ZFHX3: variants seen among roughly 807,000 people sequenced by gnomAD.
The protein encoded by ZFHX3 is zinc finger homeobox 3, also known as zinc finger homeobox protein 3.
Under a neutral mutation model 279.1 loss-of-function variants are expected in ZFHX3, and 42 were observed. That is an observed-to-expected ratio of 0.15 (90% CI 0.12 to 0.19). The LOEUF (loss-of-function observed/expected upper bound fraction) is 0.19, where lower values mean the gene tolerates loss of function less well. Ranked by LOEUF, ZFHX3 falls within the 10% of genes least tolerant of loss-of-function variation. The pLI, the probability that ZFHX3 is intolerant of heterozygous loss-of-function variation, is 1.00. For missense variants in ZFHX3, 4,981 were observed against 4,754.0 expected, an observed-to-expected ratio of 1.05 and a Z score of -1.40; for synonymous variants, 2,293 against 1,957.8, an observed-to-expected ratio of 1.17 and a Z score of -4.52.
At chr16:73,218,561 G>C (rs2012295142) in intron 5 of ZFHX3, among the ~76,000 whole-genome samples, 1 of 152,200 alleles carries the variant, frequency 6.6e-6, no homozygotes, top group Non-Finnish European at 1.5e-5. Flanking sequence ...TTGAGGTCAA[G>C]AGTTCGAGAC....
At chr16:73,665,794 C>A in intron 2 of ZFHX3, among the ~76,000 whole-genome samples, 1 of 143,316 alleles carries the variant, frequency 7.0e-6, no homozygotes, top group Non-Finnish European at 1.5e-5. Context: ...AGTTTTGTGA[C>A]TTTTCTTCAA....
At chr16:73,176,610 T>C (rs62052440) in intron 5 of ZFHX3, among the ~76,000 whole-genome samples, 5 of 73,158 alleles carry the variant, frequency 6.8e-5, no homozygotes, top group African/African-American at 1.6e-4. Flanking sequence ...CTTCTTCTCC[T>C]TTTTTTTTTT....
intron 1 of ZFHX3, among the ~76,000 whole-genome samples, chr16:73,693,658 A>G (rs540614916): frequency 6.6e-6 from 1 of 152,270 alleles, no homozygotes; most frequent in South Asian, 2.1e-4. Context: ...ATAAGCACAA[A>G]CTCGGGTTCT....
Position 72,925,022 on chromosome 16 carries a change from T to G in ZFHX3, c.3216+25447A>C, listed in dbSNP as rs573295733. Among the ~76,000 whole-genome samples the G allele has an allele frequency of 3.9e-5, 6 of 152,282 alleles. No individual in the cohort carries two copies. In the South Asian group the frequency reaches 1.2e-3, roughly 32 times the overall value. On this transcript the variant is annotated intron_variant, in intron 3 of 9. Transcript: ENST00000268489. ...CTGTCCAGGCAGTCACGGGGGTGGT[T>G]TGGGAAGGCCTTACAACGGGGACAC...
chr16:73,720,985 G>T (rs1028599843), intron 1 of ZFHX3, among the ~76,000 whole-genome samples: 4 of 152,218 alleles, frequency 2.6e-5, no homozygotes, highest in Admixed American at 2.0e-4. Context: ...GCCACGTGTG[G>T]CTGACAGAAG....
At chr16:73,213,307 T>C (rs2144912094) in intron 5 of ZFHX3, among the ~76,000 whole-genome samples, 1 of 152,328 alleles carries the variant, frequency 6.6e-6, no homozygotes, top group Admixed American at 6.5e-5. Flanking sequence ...GCTTTGTGTT[T>C]ATTTCAGATT....
intron 3 of ZFHX3, among the ~76,000 whole-genome samples, chr16:73,388,633 C>A (rs1309065638): frequency 6.6e-6 from 1 of 152,192 alleles, no homozygotes; most frequent in East Asian, 1.9e-4. Flanking sequence ...CCAACCTCCC[C>A]CTGCTAGCTC....
At chr16:72,994,495 T>C (rs1963208248) in intron 1 of ZFHX3, among the ~76,000 whole-genome samples, 1 of 152,154 alleles carries the variant, frequency 6.6e-6, no homozygotes, top group East Asian at 1.9e-4. Flanking sequence ...TTAGAGTGCA[T>C]TAACAGAACC....
At chr16:72,921,532 A>T (rs982672925) in intron 3 of ZFHX3, among the ~76,000 whole-genome samples, 1 of 152,208 alleles carries the variant, frequency 6.6e-6, no homozygotes, top group Non-Finnish European at 1.5e-5. Context: ...ATCAGAGGGA[A>T]TCTCACTTTC....
At chr16:73,447,133 A>G (rs1251967543) in intron 3 of ZFHX3, among the ~76,000 whole-genome samples, 2 of 151,320 alleles carry the variant, frequency 1.3e-5, no homozygotes, top group East Asian at 2.0e-4. Context: ...GTCAGCCGAG[A>G]TCACGCCACT....
At chr16:73,124,557 T>C (rs1270830731) in intron 7 of ZFHX3, among the ~76,000 whole-genome samples, 1 of 152,216 alleles carries the variant, frequency 6.6e-6, no homozygotes, top group African/African-American at 2.4e-5. Context: ...GATATAATCC[T>C]GGACACGTTT....
intron 2 of ZFHX3, among the ~76,000 whole-genome samples, chr16:73,538,279 G>C (rs938237157): frequency 2.0e-5 from 3 of 151,932 alleles, no homozygotes; most frequent in Non-Finnish European, 4.4e-5. Flanking sequence ...GCCCTCTTCT[G>C]TTTCCTCTGC....
At chr16:73,839,814 C>A (rs1453122022) in intron 1 of ZFHX3, among the ~76,000 whole-genome samples, 1 of 152,228 alleles carries the variant, frequency 6.6e-6, no homozygotes, top group Non-Finnish European at 1.5e-5. Flanking sequence ...GTTCACGACT[C>A]CACCCATCCC....
intron 2 of ZFHX3, among the ~76,000 whole-genome samples, chr16:73,640,829 G>C (rs998288824): frequency 4.6e-5 from 7 of 152,090 alleles, no homozygotes; most frequent in Admixed American, 2.0e-4. Context: ...AAAAACTTCA[G>C]ATTAAAAGTT....
chr16:73,571,559 C>T (rs949388644), intron 2 of ZFHX3, among the ~76,000 whole-genome samples: 1 of 152,144 alleles, frequency 6.6e-6, no homozygotes, highest in African/African-American at 2.4e-5. Flanking sequence ...TTATTAAAGA[C>T]AGTTCATGTT....
intron 4 of ZFHX3, among the ~76,000 whole-genome samples, chr16:73,260,703 T>G (rs1484956589): frequency 1.4e-5 from 2 of 146,674 alleles, no homozygotes; most frequent in Non-Finnish European, 3.0e-5. Flanking sequence ...TTTTTTTTTT[T>G]TTTTGAGATG....
chr16:73,509,263 C>T (rs973584799), intron 2 of ZFHX3, among the ~76,000 whole-genome samples: 1 of 152,100 alleles, frequency 6.6e-6, no homozygotes, highest in African/African-American at 2.4e-5. Context: ...AACCCAGATC[C>T]CTCTGTTTTG....
intron 4 of ZFHX3, among the ~76,000 whole-genome samples, chr16:73,292,862 G>C (rs72797380): frequency 0.077 from 11,747 of 152,144 alleles, 565 homozygotes; most frequent in South Asian, 0.21. Context: ...GGTATTCCTC[G>C]GGCTGGAAGC....
At chr16:72,995,650 G>T (rs994253562) in intron 1 of ZFHX3, among the ~76,000 whole-genome samples, 1 of 152,138 alleles carries the variant, frequency 6.6e-6, no homozygotes, top group African/African-American at 2.4e-5. Context: ...CATGGATGTG[G>T]CATGGTGTGC....
Sources: allele counts gnomAD v4.1 joint callset (sites outside exome capture counted in the v4.1 genomes callset), GRCh38; gene constraint gnomAD v4.1.1; transcripts MANE v1.5; gene names NCBI Gene and HGNC (gene_info 2026-07-23, HGNC 2026-07-21).